The following SMPD3 variants were observed in gnomAD, a reference collection of about 807,000 sequenced individuals.
SMPD3 encodes the protein nSMase-2.
SMPD3 carries 21 observed loss-of-function variants against 55.7 expected under a neutral mutation model. The ratio of observed to expected loss-of-function variants is 0.38; its 90% CI spans 0.27 to 0.54. SMPD3 has a LOEUF of 0.54. SMPD3 is among the 20% of genes least tolerant of loss of function. The pLI is 0.80. For synonymous variants in SMPD3, 457 were observed against 404.3 expected, an observed-to-expected ratio of 1.13 and a Z score of -1.56; for missense variants, 842 against 899.6, an observed-to-expected ratio of 0.94 and a Z score of 0.82.
intron 1 of SMPD3, among the ~76,000 whole-genome samples, chr16:68,431,986 G>A (rs1365172769): frequency 2.6e-5 from 4 of 151,594 alleles, no homozygotes; most frequent in Non-Finnish European, 4.4e-5. Flanking sequence ...GTGGTGGTGC[G>A]GGCCTGTAAT....
chr16:68,365,185 G>A, intron 3 of SMPD3, 93 bp from the exon 4 acceptor site: 3 of 1,301,502 alleles, frequency 2.3e-6, no homozygotes, highest in Non-Finnish European at 3.3e-6. Flanking sequence ...CATGAGGTCA[G>A]ACCCTCACAA....
In SMPD3 at chr16:68,361,701, A is replaced by G; in HGVS notation, c.1768T>C (p.Ser590Pro). ...AGCTCCTTCCGCCCCTTCTGGCCCG[A>G]GCTCTTGCTGGTGGGAAACGCCAGG... Reference protein sequence around the residue: ...EYLAFPTSKSSGQKGRKELLK... With the variant: ...EYLAFPTSKSPGQKGRKELLK... The change falls in exon 8 of 9, where the codon TCG (serine) becomes CCG (proline). Residue 590 changes from serine to proline, a missense_variant. Physicochemically the swap from Ser to Pro is moderately conservative, Grantham distance 74. Transcript: ENST00000219334. The G allele has an allele frequency of 6.2e-7, 1 of 1,612,884 alleles. No homozygotes were observed. Among genetic ancestry groups the G allele is most frequent in the East Asian group, 2.2e-5 (1 of 44,866 alleles).
intron 2 of SMPD3, among the ~76,000 whole-genome samples, chr16:68,377,408 C>T (rs572559122): frequency 3.9e-5 from 6 of 152,332 alleles, no homozygotes; most frequent in African/African-American, 9.6e-5. Context: ...CATTGACAGC[C>T]GGCAGCCCCA....
At chr16:68,413,866 T>C (rs2090320367) in intron 1 of SMPD3, among the ~76,000 whole-genome samples, 1 of 152,140 alleles carries the variant, frequency 6.6e-6, no homozygotes, top group Non-Finnish European at 1.5e-5. Flanking sequence ...CCTGGCATGC[T>C]CTGGTGCTGT....
chr16:68,429,235 C>T (rs1489902318), intron 1 of SMPD3, among the ~76,000 whole-genome samples: 1 of 152,192 alleles, frequency 6.6e-6, no homozygotes, highest in Non-Finnish European at 1.5e-5. Flanking sequence ...ACAGTGGGCT[C>T]CATTCCAGTC....
chr16:68,446,752 C>T (rs1289210163), intron 1 of SMPD3, among the ~76,000 whole-genome samples: 1 of 152,174 alleles, frequency 6.6e-6, no homozygotes, highest in Admixed American at 6.5e-5. Context: ...CCCACTCACG[C>T]CCTGTGAACT....
chr16:68,388,741 T>C (rs1435555885), intron 1 of SMPD3, among the ~76,000 whole-genome samples: 1 of 152,092 alleles, frequency 6.6e-6, no homozygotes, highest in Non-Finnish European at 1.5e-5. Context: ...AGGGAGGGGT[T>C]CCTGAGGGGA....
chr16:68,377,398 C>T (rs2089842427), intron 2 of SMPD3, among the ~76,000 whole-genome samples: 1 of 152,222 alleles, frequency 6.6e-6, no homozygotes, highest in Non-Finnish European at 1.5e-5. Context: ...GGGTGTGTGG[C>T]ATTGACAGCC....
intron 1 of SMPD3, among the ~76,000 whole-genome samples, chr16:68,393,835 A>T (rs2090133126): frequency 6.6e-6 from 1 of 152,220 alleles, no homozygotes; most frequent in African/African-American, 2.4e-5. Context: ...AATTTTTAGA[A>T]GACTTTGCTT....
Position 68,447,587 on chromosome 16 carries a change from G to A in SMPD3, c.-269+766C>T, listed in dbSNP as rs1211513341. ...ACCCAGGCCACCCAACCCTCGGCGCGGGCCCGAGCGCGGGGGATTCCGAGT... is the reference window on the plus strand; with the variant it reads ...ACCCAGGCCACCCAACCCTCGGCGCAGGCCCGAGCGCGGGGGATTCCGAGT... On this transcript the variant is annotated intron_variant, in intron 1 of 8. Coordinates refer to ENST00000219334, the MANE Select transcript of SMPD3 (RefSeq NM_018667.4). This position sits in a 1 kb window ranked among gnomAD's most constrained non-coding sequence, Gnocchi z 5.1. Among the ~76,000 whole-genome samples the A allele has an allele frequency of 6.6e-6, 1 of 151,956 alleles. No individual in the cohort carries two copies. Among genetic ancestry groups the A allele is most frequent in the South Asian group, 2.1e-4 (1 of 4,786 alleles).
At position 68,424,056 on chromosome 16, in the gene SMPD3, G is replaced by A. The variant is rs73551948; in HGVS notation, c.-269+24297C>T. On this transcript the variant is annotated intron_variant, in intron 1 of 8. Transcript: ENST00000219334. ...CAGGCCCTCCCTGCACAAAGCCCAAGGAGTTAGCCAATGGCCAGGGCAGTC... is the reference window on the plus strand; with the variant it reads ...CAGGCCCTCCCTGCACAAAGCCCAAAGAGTTAGCCAATGGCCAGGGCAGTC... Among the ~76,000 whole-genome samples the A allele has an allele frequency of 6.6e-3, 992 of 151,036 alleles. 11 individuals are homozygous for A. The highest frequency in any genetic ancestry group is 0.022 in the African/African-American group (913 of 41,280).
chr16:68,382,631 G>T (rs1274860472), intron 2 of SMPD3, among the ~76,000 whole-genome samples: 1 of 152,156 alleles, frequency 6.6e-6, no homozygotes, highest in Non-Finnish European at 1.5e-5. Flanking sequence ...GACAGAAAGG[G>T]AACTGAGAGT....
In SMPD3 at chr16:68,361,672, C is replaced by A; in HGVS notation, c.1797G>T (p.Leu599=). 6.2e-7 allele frequency: 1 copy of A among 1,612,814 alleles called. No homozygotes were observed. The highest frequency in any genetic ancestry group is 8.5e-7 in the Non-Finnish European group (1 of 1,179,982). The change falls in exon 8 of 9, where the codon CTG becomes CTT. Residue 599 remains leucine, a synonymous_variant. Transcript: ENST00000219334. ...SSGQKGRKEL[L]KGNGRRIDYM... ...AGTCGATGCGCCGGCCGTTGCCCTT[C>A]AGCAGCTCCTTCCGCCCCTTCTGGC...
intron 1 of SMPD3, among the ~76,000 whole-genome samples, chr16:68,408,510 G>A (rs1393912634): frequency 1.3e-5 from 2 of 152,224 alleles, no homozygotes; most frequent in Non-Finnish European, 2.9e-5. Flanking sequence ...TTGGTGAGAA[G>A]TAAAGCCTGG....
At position 68,420,494 on chromosome 16, in the gene SMPD3, A is replaced by C. The variant is rs535682955; in HGVS notation, c.-269+27859T>G. On this transcript the variant is annotated intron_variant, in intron 1 of 8. Coordinates refer to ENST00000219334, the MANE Select transcript of SMPD3 (RefSeq NM_018667.4). ...CCAGGCTTAAAAGGGATGCTTCACC[A>C]TTACCTGACAGTCCTCCCATTATCC... Among the ~76,000 whole-genome samples, 141 of 152,288 alleles carry C rather than the reference A, an allele frequency of 9.3e-4. 1 individual carries two copies. The highest frequency in any genetic ancestry group is 1.7e-3 in the Non-Finnish European group (113 of 68,006).
At chr16:68,363,608 C>T (rs1235456417) in intron 6 of SMPD3, 49 bp from the exon 7 acceptor site, 1 of 1,577,896 alleles carries the variant, frequency 6.3e-7, no homozygotes, top group East Asian at 2.2e-5. Context: ...AGGGCCCAGG[C>T]AGCCTCTAGG....
chr16:68,370,718 A>G lies in SMPD3; in HGVS notation c.1323+141T>C, dbSNP rs547971455. On this transcript the variant is annotated intron_variant, in intron 3 of 8. Coordinates refer to ENST00000219334, the MANE Select transcript of SMPD3 (RefSeq NM_018667.4). The stretch of plus-strand genomic sequence containing the variant: ...AGCCAGGGCCCTGCTGTTTGGCTCC[A>G]GGAAAGACCGCGTCTGCCTCCCACT... 6.0e-5 allele frequency: 68 copies of G among 1,136,268 alleles called. 1 individual carries two copies. In the African/African-American group the frequency reaches 8.7e-4, roughly 15 times the overall value. 70.4% of individuals were successfully genotyped at this position (1,136,268 alleles called of 1,614,324 possible).
At chr16:68,380,276 C>T (rs909210042) in intron 2 of SMPD3, among the ~76,000 whole-genome samples, 6 of 152,274 alleles carry the variant, frequency 3.9e-5, no homozygotes, top group Admixed American at 2.0e-4. Flanking sequence ...GCAGGGCTCC[C>T]GCCAGTCCTA....
chr16:68,383,085 C>T (rs1038300179), intron 2 of SMPD3, among the ~76,000 whole-genome samples: 4 of 152,180 alleles, frequency 2.6e-5, no homozygotes, highest in Admixed American at 1.3e-4. Flanking sequence ...GTGATCCACC[C>T]GCCTCAGCCT....
Sources: gnomAD v4.1 joint callset for allele counts (sites outside exome capture counted in the v4.1 genomes callset) on GRCh38, gnomAD v4.1.1 for gene constraint, Gnocchi (gnomAD v3.1) non-coding constraint, MANE v1.5 for transcripts, NCBI Gene and HGNC (gene_info 2026-07-23, HGNC 2026-07-21) for gene names.